The following FSTL5 variants were observed in gnomAD, a reference collection of about 807,000 sequenced individuals.
FSTL5 encodes the protein follistatin like 5, also known as follistatin-related protein 5.
FSTL5 carries 62 observed loss-of-function variants against 89.1 expected under a neutral mutation model. The ratio of observed to expected loss-of-function variants is 0.70; its 90% CI spans 0.57 to 0.86. The LOEUF is 0.86. FSTL5 is among the 40% of genes least tolerant of loss of function. The probability of loss-of-function intolerance (pLI) is 0.00; values close to 1 mark genes in which losing one functional copy is unlikely to be tolerated. For synonymous variants in FSTL5, 383 were observed against 346.2 expected (o/e 1.11, Z -1.18); for missense variants, 1,057 against 1,001.6 (o/e 1.06, Z -0.75).
intron 7 of FSTL5, among the ~76,000 whole-genome samples, chr4:161,628,793 T>C (rs752323513): frequency 1.3e-5 from 2 of 152,158 alleles, no homozygotes; most frequent in Non-Finnish European, 2.9e-5. Context: ...TCATTTCTAA[T>C]GTCAAGATTC....
At chr4:161,519,599 C>A (rs566761506) in intron 10 of FSTL5, among the ~76,000 whole-genome samples, 1 of 152,170 alleles carries the variant, frequency 6.6e-6, no homozygotes, top group South Asian at 2.1e-4. Context: ...TAGCTAACAT[C>A]CTCCTAGCCA....
chr4:161,871,652 C>G (rs1468225593), intron 4 of FSTL5, among the ~76,000 whole-genome samples: 1 of 152,116 alleles, frequency 6.6e-6, no homozygotes, highest in Non-Finnish European at 1.5e-5. Context: ...TAATGTTGAA[C>G]AAATGCTTGT....
chr4:162,146,159 A>G (rs1341999586), intron 1 of FSTL5, among the ~76,000 whole-genome samples: 1 of 152,136 alleles, frequency 6.6e-6, no homozygotes, highest in African/African-American at 2.4e-5. Context: ...TAAGCACCCA[A>G]TGTTGTTTTC....
intron 15 of FSTL5, among the ~76,000 whole-genome samples, chr4:161,443,537 G>A (rs1732845954): frequency 6.6e-6 from 1 of 151,612 alleles, no homozygotes. Flanking sequence ...GACAAAATCT[G>A]TATGACATTT....
At position 162,040,956 on chromosome 4, in the gene FSTL5, T is replaced by C. The variant is rs552087578; in HGVS notation, c.127-7298A>G. Among the ~76,000 whole-genome samples, 3 of 152,244 alleles carry C rather than the reference T, an allele frequency of 2.0e-5. No individual in the cohort carries two copies. The South Asian group carries it at 6.2e-4, about 32-fold the overall frequency. ...CTCAACTGACATATCCTTAATGTCT[T>C]AGCCCCTGCAAGAGTGGACACTTTT... is the stretch of plus-strand genomic sequence containing the variant. On this transcript the variant is annotated intron_variant, in intron 2 of 15. Coordinates refer to ENST00000306100, the MANE Select transcript of FSTL5 (RefSeq NM_020116.5).
chr4:161,981,702 G>A (rs142461086), intron 3 of FSTL5, among the ~76,000 whole-genome samples: 59 of 152,290 alleles, frequency 3.9e-4, no homozygotes, highest in African/African-American at 1.4e-3. Context: ...ACTTTGAAAT[G>A]TAAGTTTGGA....
At chr4:161,642,349 T>C (rs1006897979) in intron 7 of FSTL5, among the ~76,000 whole-genome samples, 1 of 152,200 alleles carries the variant, frequency 6.6e-6, no homozygotes, top group African/African-American at 2.4e-5. Context: ...CTTTACTATG[T>C]AAGTATTACT....
chr4:161,431,678 G>A (rs78961026), intron 15 of FSTL5, among the ~76,000 whole-genome samples: 1 of 151,730 alleles, frequency 6.6e-6, no homozygotes, highest in African/African-American at 2.4e-5. Flanking sequence ...ATGGTTGAAT[G>A]GATAAAGAAA....
rs545519054 is a variant in FSTL5, at chr4:161,732,948, A to T, written c.727+26463T>A. Among the ~76,000 whole-genome samples the T allele has an allele frequency of 1.5e-3, 231 of 150,822 alleles. 1 individual carries two copies. Among genetic ancestry groups the T allele is most frequent in the Admixed American group, 4.4e-3 (66 of 15,148 alleles). On this transcript the variant is annotated intron_variant, in intron 6 of 15. Transcript: ENST00000306100. ...ATTCTTCAGCTTTTCTTTTTTTTTT[A>T]AAATAACTTTGGTTATTTTATATAC...
At chr4:161,597,175 A>C (rs1734044608) in intron 7 of FSTL5, among the ~76,000 whole-genome samples, 1 of 152,046 alleles carries the variant, frequency 6.6e-6, no homozygotes, top group African/African-American at 2.4e-5. Flanking sequence ...TCTAACATTT[A>C]AGTCTTTAAT....
At chr4:161,484,002 T>C (rs776913646) in intron 12 of FSTL5, among the ~76,000 whole-genome samples, 12 of 152,116 alleles carry the variant, frequency 7.9e-5, no homozygotes, top group Admixed American at 2.6e-4. Context: ...TTCCTACATA[T>C]GTATTATACT....
At chr4:161,405,765 C>T (rs1447533329) in intron 15 of FSTL5, among the ~76,000 whole-genome samples, 1 of 151,736 alleles carries the variant, frequency 6.6e-6, no homozygotes, top group Non-Finnish European at 1.5e-5. Flanking sequence ...CTGTTAAAGA[C>T]AAAGAGAGAA....
chr4:161,528,744 C>T (rs1731315477), intron 10 of FSTL5, among the ~76,000 whole-genome samples: 1 of 143,230 alleles, frequency 7.0e-6, no homozygotes, highest in Non-Finnish European at 1.5e-5. Context: ...TTTTGTTAAA[C>T]TTAAGAACAC....
At chr4:161,644,544 C>G (rs1196118155) in intron 7 of FSTL5, among the ~76,000 whole-genome samples, 1 of 147,702 alleles carries the variant, frequency 6.8e-6, no homozygotes, top group Admixed American at 6.7e-5. Flanking sequence ...AAAAAAAGAA[C>G]AGTAGTAATA....
At chr4:161,660,167 T>C (rs549431803) in intron 6 of FSTL5, among the ~76,000 whole-genome samples, 30 of 152,340 alleles carry the variant, frequency 2.0e-4, no homozygotes, top group African/African-American at 7.0e-4. Context: ...GGACTATTAC[T>C]ACCTTTTTAA....
At chr4:162,004,099 T>A (rs1007759015) in intron 3 of FSTL5, among the ~76,000 whole-genome samples, 2 of 152,190 alleles carry the variant, frequency 1.3e-5, no homozygotes, top group African/African-American at 4.8e-5. Flanking sequence ...TTTATAGAAA[T>A]GAATATTTCT....
intron 11 of FSTL5, among the ~76,000 whole-genome samples, chr4:161,507,900 A>G (rs1730532331): frequency 6.6e-6 from 1 of 151,968 alleles, no homozygotes. Context: ...TCTTTCCATT[A>G]TTGGCCTTAA....
chr4:161,440,387 C>G (rs890981354), intron 15 of FSTL5, among the ~76,000 whole-genome samples: 1 of 151,148 alleles, frequency 6.6e-6, no homozygotes, highest in African/African-American at 2.4e-5. Context: ...ATAAAATACA[C>G]TAACACTAAT....
At chr4:162,057,954 A>AAAT (rs1420661999) in intron 2 of FSTL5, among the ~76,000 whole-genome samples, 1 of 152,034 alleles carries the variant, frequency 6.6e-6, no homozygotes, top group Non-Finnish European at 1.5e-5. Flanking sequence ...AAAAGAATAA[A>AAAT]AATAATAATA....
Sources: allele counts gnomAD v4.1 joint callset (sites outside exome capture counted in the v4.1 genomes callset), GRCh38; gene constraint gnomAD v4.1.1; transcripts MANE v1.5; gene names NCBI Gene and HGNC (gene_info 2026-07-23, HGNC 2026-07-21).